ASTN2: variants seen among roughly 807,000 people sequenced by gnomAD.
The protein encoded by ASTN2 is astrotactin 2.
A neutral mutation model predicts 139.8 loss-of-function variants in ASTN2; 54 were observed. The ratio of observed to expected loss-of-function variants is 0.39; its 90% CI spans 0.31 to 0.48. The LOEUF is 0.48. Ranked by LOEUF, ASTN2 falls within the 20% of genes least tolerant of loss-of-function variation. The probability of loss-of-function intolerance (pLI) is 0.95; values close to 1 mark genes in which losing one functional copy is unlikely to be tolerated. For missense variants in ASTN2, 1,565 were observed against 1,725.1 expected, an observed-to-expected ratio of 0.91 and a Z score of 1.64; for synonymous variants, 756 against 719.5, an observed-to-expected ratio of 1.05 and a Z score of -0.81.
chr9:116,643,362 T>C (rs1197450334), intron 17 of ASTN2, among the ~76,000 whole-genome samples: 1 of 152,206 alleles, frequency 6.6e-6, no homozygotes, highest in Non-Finnish European at 1.5e-5. Context: ...CTTTGAGCTT[T>C]GCACCCCATA....
In ASTN2 at chr9:116,698,369, T is replaced by C. The variant is rs1450619618; in HGVS notation, c.2806+27402A>G. 6.2e-7 allele frequency: 1 copy of C among 1,614,128 alleles called. No individual in the cohort carries two copies. Among genetic ancestry groups the C allele is most frequent in the Admixed American group, 1.7e-5 (1 of 60,010 alleles). On this transcript the variant is annotated intron_variant, in intron 16 of 22. Coordinates refer to ENST00000313400, the MANE Select transcript of ASTN2 (RefSeq NM_001365068.1). The surrounding 1 kb of genome is among the most constrained non-coding windows in gnomAD (Gnocchi z 4.4). ...GCTCTCGGAAGTTCTTCACAGGCTC[T>C]TTGGCTGAAGTTGAGAAGTCCAATA...
intron 16 of ASTN2, among the ~76,000 whole-genome samples, chr9:116,683,523 C>T (rs977814123): frequency 6.6e-6 from 1 of 152,138 alleles, no homozygotes; most frequent in South Asian, 2.1e-4. Context: ...TCAGATATCA[C>T]ACTCTGAGTG....
At chr9:116,690,180 G>C (rs1860495483) in intron 16 of ASTN2, among the ~76,000 whole-genome samples, 1 of 152,168 alleles carries the variant, frequency 6.6e-6, no homozygotes, top group Non-Finnish European at 1.5e-5. Context: ...AGTAGCTACG[G>C]CACTTGTCCT....
intron 19 of ASTN2, among the ~76,000 whole-genome samples, chr9:116,501,916 A>T (rs1436388723): frequency 6.6e-6 from 1 of 151,280 alleles, no homozygotes; most frequent in East Asian, 1.9e-4. Flanking sequence ...CATTCCCCAA[A>T]CTCAGTTCTC....
At chr9:117,236,446 T>C (rs1377406951) in intron 2 of ASTN2, among the ~76,000 whole-genome samples, 2 of 152,004 alleles carry the variant, frequency 1.3e-5, no homozygotes, top group East Asian at 3.9e-4. Flanking sequence ...TATAGATTGG[T>C]TGGAAACTTG....
intron 13 of ASTN2, among the ~76,000 whole-genome samples, chr9:116,757,916 A>G (rs1297683882): frequency 1.3e-5 from 2 of 152,162 alleles, no homozygotes; most frequent in Non-Finnish European, 2.9e-5. Flanking sequence ...GATATAGTAC[A>G]TAGAACACCT....
chr9:116,865,457 G>T (rs1260047034), intron 10 of ASTN2, among the ~76,000 whole-genome samples: 1 of 115,978 alleles, frequency 8.6e-6, no homozygotes, highest in South Asian at 2.8e-4. Flanking sequence ...AAAAAAAAAA[G>T]GCAAGCGAAG....
chr9:116,857,845 T>C (rs953102359), intron 11 of ASTN2, among the ~76,000 whole-genome samples: 1 of 152,202 alleles, frequency 6.6e-6, no homozygotes, highest in African/African-American at 2.4e-5. Context: ...GCTGACCTTA[T>C]TGACCTGCTT....
chr9:117,223,687 G>T (rs952699976), intron 2 of ASTN2, among the ~76,000 whole-genome samples: 12 of 152,198 alleles, frequency 7.9e-5, no homozygotes, highest in African/African-American at 2.9e-4. Flanking sequence ...GGAAGAAAAA[G>T]GCACAACAAA....
At chr9:117,314,312 G>A (rs1440788499) in intron 1 of ASTN2, among the ~76,000 whole-genome samples, 1 of 151,582 alleles carries the variant, frequency 6.6e-6, no homozygotes, top group African/African-American at 2.4e-5. Context: ...GGGAGGAAAA[G>A]GGTCTGCATT....
intron 17 of ASTN2, among the ~76,000 whole-genome samples, chr9:116,621,184 G>A (rs1474793872): frequency 6.6e-6 from 1 of 152,074 alleles, no homozygotes; most frequent in African/African-American, 2.4e-5. Flanking sequence ...TTTTGGCTTT[G>A]GGACAAGGTA....
chr9:117,346,796 A>T (rs998069268), intron 1 of ASTN2, among the ~76,000 whole-genome samples: 2 of 152,206 alleles, frequency 1.3e-5, no homozygotes, highest in African/African-American at 4.8e-5. Flanking sequence ...ATGGGTTCAA[A>T]TCCTATCACT....
chr9:117,003,557 T>TGTGTGTGTGTGTGTGTGTG (rs1837256188), intron 7 of ASTN2, among the ~76,000 whole-genome samples: 2 of 3,444 alleles, frequency 5.8e-4, no homozygotes, highest in Non-Finnish European at 9.3e-4. Flanking sequence ...GTGTGTGTAT[T>TGTGTGTGTGTGTGTGTGTG]TAAATCTAGA....
chr9:116,533,538 A>T (rs1851464097), intron 19 of ASTN2, among the ~76,000 whole-genome samples: 1 of 152,170 alleles, frequency 6.6e-6, no homozygotes, highest in Admixed American at 6.6e-5. Context: ...ATGTCCCATC[A>T]ACACCTAATT....
At chr9:116,779,628 C>T (rs896767328) in intron 13 of ASTN2, among the ~76,000 whole-genome samples, 1 of 152,082 alleles carries the variant, frequency 6.6e-6, no homozygotes, top group African/African-American at 2.4e-5. Flanking sequence ...TAAACATTGA[C>T]TTATTTCTTA....
chr9:116,998,997 T>C (rs991083615), intron 7 of ASTN2, among the ~76,000 whole-genome samples: 2 of 152,196 alleles, frequency 1.3e-5, no homozygotes, highest in African/African-American at 4.8e-5. Flanking sequence ...CAATATAAGA[T>C]TGCTATATGA....
chr9:116,587,855 TA>T (rs35665996), intron 19 of ASTN2, among the ~76,000 whole-genome samples: 95,770 of 151,996 alleles, frequency 0.63, 30,192 homozygotes, highest in South Asian at 0.72. Flanking sequence ...GAGATGCTCA[TA>T]TTCTATGCCC....
At chr9:117,047,038 AT>A (rs1564400301) in intron 5 of ASTN2, among the ~76,000 whole-genome samples, 1 of 152,176 alleles carries the variant, frequency 6.6e-6, no homozygotes, top group Non-Finnish European at 1.5e-5. Flanking sequence ...ACCACTGTAG[AT>A]TGCTGAGTGC....
chr9:116,475,159 T>C (rs563847096), intron 20 of ASTN2, among the ~76,000 whole-genome samples: 4 of 152,346 alleles, frequency 2.6e-5, no homozygotes, highest in Admixed American at 1.3e-4. Flanking sequence ...CAGCATGTAA[T>C]AATTAGGAGG....
Sources: gnomAD v4.1 joint callset for allele counts (sites outside exome capture counted in the v4.1 genomes callset) on GRCh38, gnomAD v4.1.1 for gene constraint, Gnocchi (gnomAD v3.1) non-coding constraint, MANE v1.5 for transcripts, NCBI Gene and HGNC (gene_info 2026-07-23, HGNC 2026-07-21) for gene names.